Variants in KCNAB1 observed in about 807,000 individuals in gnomAD.
The protein encoded by KCNAB1 is potassium voltage-gated channel subfamily A regulatory beta subunit 1.
A neutral mutation model predicts 64.6 loss-of-function variants in KCNAB1; 35 were observed. The ratio of observed to expected loss-of-function variants is 0.54; its 90% CI spans 0.41 to 0.72. The LOEUF (loss-of-function observed/expected upper bound fraction) is 0.72. Ranked by LOEUF, KCNAB1 falls within the 30% of genes least tolerant of loss-of-function variation. The probability of loss-of-function intolerance (pLI) is 0.00; values close to 1 mark genes in which losing one functional copy is unlikely to be tolerated. For synonymous variants in KCNAB1, 177 were observed against 183.8 expected, an observed-to-expected ratio of 0.96 and a Z score of 0.30; for missense variants, 401 against 512.9, an observed-to-expected ratio of 0.78 and a Z score of 2.11.
At chr3:156,493,452 G>A (rs1715781366) in intron 8 of KCNAB1, among the ~76,000 whole-genome samples, 1 of 151,868 alleles carries the variant, frequency 6.6e-6, no homozygotes, top group Non-Finnish European at 1.5e-5. Flanking sequence ...ACTTTCCACT[G>A]ATATAATTTC....
At chr3:156,130,912 C>T (rs867738080) in intron 1 of KCNAB1, among the ~76,000 whole-genome samples, 9 of 152,350 alleles carry the variant, frequency 5.9e-5, no homozygotes, top group Middle Eastern at 3.4e-3. Flanking sequence ...TTTTATGTTT[C>T]CTCAGGCTTT....
chr3:156,402,217 A>T (rs181300562), intron 1 of KCNAB1, among the ~76,000 whole-genome samples: 1 of 152,186 alleles, frequency 6.6e-6, no homozygotes, highest in Non-Finnish European at 1.5e-5. Context: ...GAAATGCAAC[A>T]ATCTTAGCGT....
At chr3:156,321,568 C>T (rs1015671487) in intron 1 of KCNAB1, among the ~76,000 whole-genome samples, 1 of 152,194 alleles carries the variant, frequency 6.6e-6, no homozygotes, top group African/African-American at 2.4e-5. Flanking sequence ...CCTTATGCTT[C>T]CAGTTTTTCT....
At position 156,339,578 on chromosome 3, in the gene KCNAB1, C is replaced by G. The variant is rs145463482; in HGVS notation, c.276-82038C>G. 8.2e-3 allele frequency among the ~76,000 whole-genome samples: 1,247 copies of G among 152,348 alleles called. 20 individuals carry two copies. Among genetic ancestry groups the G allele is most frequent in the African/African-American group, 0.029 (1,209 of 41,580 alleles). On this transcript the variant is annotated intron_variant, in intron 1 of 13. Coordinates refer to ENST00000490337, the MANE Select transcript of KCNAB1 (RefSeq NM_172160.3). ...TTATTATTATGGCCTCTGCTCACAA[C>G]TTTGCCTACTTCAATCCATGCAAAA...
intron 2 of KCNAB1, 86 bp downstream of exon 2, chr3:156,421,745 G>T: frequency 8.3e-7 from 1 of 1,209,516 alleles, no homozygotes; most frequent in South Asian, 1.3e-5. Context: ...TCTAGGCCAG[G>T]ACCTGGTCTC....
intron 2 of KCNAB1, among the ~76,000 whole-genome samples, chr3:156,423,318 T>C (rs1024505568): frequency 2.6e-5 from 4 of 152,166 alleles, no homozygotes; most frequent in Admixed American, 2.6e-4. Context: ...TCTGGAATGA[T>C]TTCTTGAGGA....
intron 1 of KCNAB1, among the ~76,000 whole-genome samples, chr3:156,399,406 G>A (rs142162213): frequency 6.6e-5 from 10 of 152,320 alleles, no homozygotes; most frequent in Non-Finnish European, 1.0e-4. Flanking sequence ...GGTTTCCAGT[G>A]AGCCCATACA....
At chr3:156,220,072 A>G (rs2108411133) in intron 1 of KCNAB1, among the ~76,000 whole-genome samples, 1 of 152,222 alleles carries the variant, frequency 6.6e-6, no homozygotes, top group Middle Eastern at 3.4e-3. Context: ...GCTGCATAGT[A>G]TTCTATGGTG....
At chr3:156,391,767 G>A (rs982116793) in intron 1 of KCNAB1, among the ~76,000 whole-genome samples, 1 of 152,164 alleles carries the variant, frequency 6.6e-6, no homozygotes, top group Admixed American at 6.5e-5. Context: ...CTCCCTGAAA[G>A]TAGAGCAATC....
intron 2 of KCNAB1, among the ~76,000 whole-genome samples, chr3:156,433,773 G>C (rs995839515): frequency 6.6e-6 from 1 of 152,154 alleles, no homozygotes; most frequent in African/African-American, 2.4e-5. Flanking sequence ...CTCCTCACTT[G>C]GGTTTTGGCT....
intron 8 of KCNAB1, among the ~76,000 whole-genome samples, chr3:156,485,615 C>T (rs138324434): frequency 4.0e-5 from 6 of 151,498 alleles, no homozygotes; most frequent in East Asian, 3.9e-4. Flanking sequence ...ATTTTAGATT[C>T]GGGGGTACAT....
At chr3:156,195,596 T>G (rs1713858095) in intron 1 of KCNAB1, among the ~76,000 whole-genome samples, 3 of 152,246 alleles carry the variant, frequency 2.0e-5, no homozygotes, top group Non-Finnish European at 2.9e-5. Flanking sequence ...TTTTGAGAAG[T>G]GTCTGTTCAT....
chr3:156,447,497 TTAA>T (rs1711649009), intron 2 of KCNAB1, among the ~76,000 whole-genome samples: 1 of 152,184 alleles, frequency 6.6e-6, no homozygotes, highest in South Asian at 2.1e-4. Flanking sequence ...ATAATAAATA[TTAA>T]TATTATAATT....
At chr3:156,240,071 A>G (rs1717075285) in intron 1 of KCNAB1, among the ~76,000 whole-genome samples, 1 of 152,226 alleles carries the variant, frequency 6.6e-6, no homozygotes. Context: ...GACGTATTTC[A>G]TTGTCCAAAA....
chr3:156,488,671 G>A (rs1412038959), intron 8 of KCNAB1, among the ~76,000 whole-genome samples: 11 of 152,012 alleles, frequency 7.2e-5, no homozygotes, highest in East Asian at 1.9e-4. Context: ...TTGAGAATAC[G>A]TTATAGGGGC....
rs1491194845 is a variant in KCNAB1 at position 156,158,190 on chromosome 3, A to ATAAG, written c.275+37307_275+37308insGTAA. ...AAAAAAAAAAATAAAAAATAAATAA[A>ATAAG]TAAATAAATAAATAAATAAATAAAT... On this transcript the variant is annotated intron_variant, in intron 1 of 13. Transcript: ENST00000490337. Among the ~76,000 whole-genome samples, 44 of 126,644 alleles carry ATAAG rather than the reference A, an allele frequency of 3.5e-4. 3 individuals are homozygous for ATAAG. Among genetic ancestry groups the ATAAG allele is most frequent in the African/African-American group, 1.1e-3 (40 of 36,658 alleles). 83.1% of individuals were successfully genotyped at this position (126,644 alleles called of 152,430 possible).
At chr3:156,378,987 C>T (rs923495594) in intron 1 of KCNAB1, among the ~76,000 whole-genome samples, 1 of 152,208 alleles carries the variant, frequency 6.6e-6, no homozygotes, top group African/African-American at 2.4e-5. Context: ...TGAAAAATCC[C>T]CAGAGCTGTG....
intron 1 of KCNAB1, among the ~76,000 whole-genome samples, chr3:156,208,212 T>A (rs527702718): frequency 5.3e-5 from 8 of 152,194 alleles, no homozygotes; most frequent in Admixed American, 4.6e-4. Flanking sequence ...TGGATCATCA[T>A]GATTTCCCAT....
At position 156,457,483 on chromosome 3, in the gene KCNAB1, G is replaced by C. The variant is rs750550350; in HGVS notation, c.388G>C (p.Glu130Gln). ...TGAACGGCTGATGACCATCGCCTAT[G>C]AAAGTGGTGTTAACCTCTTTGATAC... is the stretch of plus-strand genomic sequence containing the variant. ...VAERLMTIAY[E>Q]SGVNLFDTAE... Residue 130 changes from glutamate (E) to glutamine (Q), a missense_variant, in exon 4 of 14, where the codon GAA becomes CAA. Coordinates refer to ENST00000490337, the MANE Select transcript of KCNAB1 (RefSeq NM_172160.3). 1.2e-5 allele frequency: 20 copies of C among 1,613,958 alleles called. No homozygotes were observed. The highest frequency in any genetic ancestry group is 1.7e-5 in the Non-Finnish European group (20 of 1,179,850).
Sources: allele counts gnomAD v4.1 joint callset (sites outside exome capture counted in the v4.1 genomes callset), GRCh38; gene constraint gnomAD v4.1.1; transcripts MANE v1.5; gene names NCBI Gene and HGNC (gene_info 2026-07-23, HGNC 2026-07-21).